The following KIAA1328 variants were observed in gnomAD, a reference collection of about 807,000 sequenced individuals.
The protein encoded by KIAA1328 is KIAA1328.
KIAA1328 carries 52 observed loss-of-function variants against 68.1 expected under a neutral mutation model. The ratio of observed to expected loss-of-function variants is 0.76; its 90% CI spans 0.61 to 0.96. The LOEUF is 0.96. KIAA1328 is among the 40% of genes least tolerant of loss of function. The pLI is 0.00. For synonymous variants in KIAA1328, 232 were observed against 239.4 expected, an observed-to-expected ratio of 0.97 and a Z score of 0.28; for missense variants, 641 against 677.6, an observed-to-expected ratio of 0.95 and a Z score of 0.60.
At chr18:37,101,739 A>G (rs1489874736) in intron 7 of KIAA1328, among the ~76,000 whole-genome samples, 2 of 152,224 alleles carry the variant, frequency 1.3e-5, no homozygotes, top group African/African-American at 2.4e-5. Flanking sequence ...GTTGAAATGA[A>G]GGAAAAAATG....
intron 9 of KIAA1328, among the ~76,000 whole-genome samples, chr18:37,177,086 A>G (rs997504427): frequency 1.3e-5 from 2 of 152,232 alleles, no homozygotes; most frequent in South Asian, 2.1e-4. Flanking sequence ...TATACTTGCA[A>G]CAGGCAGAAT....
intron 3 of KIAA1328, among the ~76,000 whole-genome samples, chr18:36,835,604 T>A (rs575424632): frequency 6.6e-6 from 1 of 152,358 alleles, no homozygotes; most frequent in Admixed American, 6.5e-5. Context: ...TTAGCCATGA[T>A]AATGTATTAT....
chr18:36,982,804 G>A (rs1020151460), intron 6 of KIAA1328, among the ~76,000 whole-genome samples: 2 of 151,880 alleles, frequency 1.3e-5, no homozygotes, highest in African/African-American at 2.4e-5. Flanking sequence ...CACTTTAGGG[G>A]TTTTAACAAA....
chr18:37,086,068 A>G (rs542998064), intron 7 of KIAA1328, among the ~76,000 whole-genome samples: 25 of 152,268 alleles, frequency 1.6e-4, no homozygotes, highest in Middle Eastern at 3.4e-3. Flanking sequence ...GGTTGAATCA[A>G]TGGTCACCAG....
chr18:36,901,645 C>T (rs902622544), intron 5 of KIAA1328, among the ~76,000 whole-genome samples: 1 of 151,962 alleles, frequency 6.6e-6, no homozygotes, highest in Admixed American at 6.6e-5. Flanking sequence ...TTACTATTGA[C>T]TCTTAATGGA....
At chr18:37,192,772 T>G (rs1408525021) in intron 9 of KIAA1328, among the ~76,000 whole-genome samples, 1 of 152,176 alleles carries the variant, frequency 6.6e-6, no homozygotes, top group Non-Finnish European at 1.5e-5. Context: ...AAATGGCCAT[T>G]ATCTAACATC....
At chr18:36,841,439 A>T (rs553274768) in intron 3 of KIAA1328, among the ~76,000 whole-genome samples, 4 of 151,532 alleles carry the variant, frequency 2.6e-5, no homozygotes, top group Non-Finnish European at 4.4e-5. Flanking sequence ...ATCTACTGGG[A>T]AGAGGATTCT....
intron 5 of KIAA1328, among the ~76,000 whole-genome samples, chr18:36,938,166 C>T (rs916334342): frequency 1.4e-4 from 21 of 152,180 alleles, no homozygotes; most frequent in African/African-American, 3.4e-4. Flanking sequence ...AATTTTCTGA[C>T]GAACTTCCAT....
chr18:37,094,468 T>A (rs2151842356), intron 7 of KIAA1328, among the ~76,000 whole-genome samples: 2 of 152,336 alleles, frequency 1.3e-5, no homozygotes, highest in Middle Eastern at 6.8e-3. Context: ...GAATCCTTCA[T>A]GACTCTCATT....
chr18:36,916,174 T>G (rs2049690819), intron 5 of KIAA1328, among the ~76,000 whole-genome samples: 1 of 149,882 alleles, frequency 6.7e-6, no homozygotes, highest in Non-Finnish European at 1.5e-5. Flanking sequence ...TTTCCAACTT[T>G]TTATTTTGCT....
intron 7 of KIAA1328, among the ~76,000 whole-genome samples, chr18:37,114,275 C>A (rs141794052): frequency 0.011 from 1,718 of 152,278 alleles, 26 homozygotes; most frequent in African/African-American, 0.039. Flanking sequence ...CACTCCTCAG[C>A]AAATGTAAAA....
At chr18:36,953,859 T>A (rs2051277646) in intron 5 of KIAA1328, among the ~76,000 whole-genome samples, 1 of 152,184 alleles carries the variant, frequency 6.6e-6, no homozygotes, top group Admixed American at 6.5e-5. Flanking sequence ...TGGGTTGCAT[T>A]TGGTTGTGTC....
At chr18:37,068,926 C>T (rs534897561) in intron 7 of KIAA1328, among the ~76,000 whole-genome samples, 90 of 152,136 alleles carry the variant, frequency 5.9e-4, no homozygotes, top group African/African-American at 2.2e-3. Flanking sequence ...CTGCTCCTGA[C>T]TCTGCCTTTT....
intron 6 of KIAA1328, among the ~76,000 whole-genome samples, chr18:37,012,636 T>C (rs992589328): frequency 2.0e-5 from 3 of 152,312 alleles, no homozygotes; most frequent in Middle Eastern, 3.4e-3. Context: ...TAAGTGACTG[T>C]TTAAACAAAT....
At chr18:37,028,171 T>C (rs2054670673) in intron 6 of KIAA1328, among the ~76,000 whole-genome samples, 1 of 152,202 alleles carries the variant, frequency 6.6e-6, no homozygotes, top group African/African-American at 2.4e-5. Context: ...TGGTTTTCTG[T>C]TCCTCCATTA....
intron 7 of KIAA1328, among the ~76,000 whole-genome samples, chr18:37,147,963 A>G (rs2058941467): frequency 6.6e-6 from 1 of 151,898 alleles, no homozygotes; most frequent in African/African-American, 2.4e-5. Context: ...CTTGTAGGGC[A>G]TTTTTTTCTT....
chr18:36,920,483 G>A (rs937165823), intron 5 of KIAA1328, among the ~76,000 whole-genome samples: 4 of 152,126 alleles, frequency 2.6e-5, no homozygotes, highest in African/African-American at 9.7e-5. Flanking sequence ...GTCAGGTAGT[G>A]TGATGCCTCT....
intron 6 of KIAA1328, among the ~76,000 whole-genome samples, chr18:36,984,621 A>G (rs1490797047): frequency 2.0e-5 from 3 of 152,152 alleles, no homozygotes; most frequent in Non-Finnish European, 4.4e-5. Context: ...CTAAATAAAA[A>G]GACTGAGAGT....
intron 1 of KIAA1328, among the ~76,000 whole-genome samples, chr18:36,832,156 T>G (rs2046514398): frequency 6.6e-6 from 1 of 152,140 alleles, no homozygotes; most frequent in Non-Finnish European, 1.5e-5. Context: ...GTTCTTAATA[T>G]AATGAGATGA....
Sources: allele counts gnomAD v4.1 joint callset (sites outside exome capture counted in the v4.1 genomes callset), GRCh38; gene constraint gnomAD v4.1.1; transcripts MANE v1.5; gene names NCBI Gene and HGNC (gene_info 2026-07-23, HGNC 2026-07-21).